DRC11: variants seen among roughly 807,000 people sequenced by gnomAD.
The protein encoded by DRC11 is IQ and AAA domain-containing protein 1.
At chr2:236,416,708 CATATATATATATTTATAT>C in the DRC11 span, among the ~76,000 whole-genome samples, 101 of 74,556 alleles carry the variant, frequency 1.4e-3, no homozygotes, top group African/African-American at 2.6e-3. Flanking sequence ...TATTTATTTA[CATATATATATATTTATAT>C]ATATATATAT....
chr2:236,341,660 C>T, the DRC11 span, among the ~76,000 whole-genome samples: 1 of 152,078 alleles, frequency 6.6e-6, no homozygotes, highest in Non-Finnish European at 1.5e-5. Context: ...CGCAGGGATG[C>T]GGTGTGGTTT....
chr2:236,439,841 G>A, the DRC11 span, among the ~76,000 whole-genome samples: 4 of 151,992 alleles, frequency 2.6e-5, no homozygotes, highest in Non-Finnish European at 4.4e-5. Context: ...AAAAGAAAAC[G>A]TTTTTAATTT....
At chr2:236,398,329 C>A in the DRC11 span, among the ~76,000 whole-genome samples, 2 of 152,164 alleles carry the variant, frequency 1.3e-5, no homozygotes, top group African/African-American at 4.8e-5. The surrounding 1 kb of genome is among the most constrained non-coding windows in gnomAD (Gnocchi z 6.2). Context: ...TTCAGTGGCA[C>A]ACAGACATTT....
chr2:236,464,966 T>C, the DRC11 span, among the ~76,000 whole-genome samples: 1 of 152,238 alleles, frequency 6.6e-6, no homozygotes, highest in Non-Finnish European at 1.5e-5. Context: ...ATGCTTCCTG[T>C]AAAGCTTGTA....
At chr2:236,493,868 A>G in the DRC11 span, 2 of 1,605,182 alleles carry the variant, frequency 1.2e-6, no homozygotes, top group African/African-American at 2.7e-5. Context: ...ATACTTGGGT[A>G]TGGGAATATC....
chr2:236,361,363 G>C, the DRC11 span, among the ~76,000 whole-genome samples: 257 of 152,210 alleles, frequency 1.7e-3, 2 homozygotes, highest in Non-Finnish European at 3.0e-3. This position sits in a 1 kb window ranked among gnomAD's most constrained non-coding sequence, Gnocchi z 5.7. Context: ...AACTTAACTT[G>C]ACAGAGACAA....
At chr2:236,458,133 C>G in the DRC11 span, among the ~76,000 whole-genome samples, 1 of 152,154 alleles carries the variant, frequency 6.6e-6, no homozygotes, top group South Asian at 2.1e-4. Context: ...GGAGCCCACA[C>G]TTGAGTTGTG....
the DRC11 span, among the ~76,000 whole-genome samples, chr2:236,404,677 C>G: frequency 1.3e-5 from 2 of 152,210 alleles, no homozygotes; most frequent in African/African-American, 4.8e-5. Context: ...CTGGAGTTAA[C>G]AAAGTCCTCC....
chr2:236,476,424 C>T, the DRC11 span, among the ~76,000 whole-genome samples: 1 of 152,070 alleles, frequency 6.6e-6, no homozygotes, highest in African/African-American at 2.4e-5. The surrounding 1 kb of genome is among the most constrained non-coding windows in gnomAD (Gnocchi z 4.7). Context: ...TGACCTGTAA[C>T]TTTACTGAAT....
chr2:236,375,476 C>A, the DRC11 span, among the ~76,000 whole-genome samples: 1 of 152,168 alleles, frequency 6.6e-6, no homozygotes, highest in African/African-American at 2.4e-5. This position sits in a 1 kb window ranked among gnomAD's most constrained non-coding sequence, Gnocchi z 4.2. Context: ...AATCAAGGTA[C>A]AGGAGAAAAT....
At chr2:236,378,222 T>C in the DRC11 span, among the ~76,000 whole-genome samples, 56 of 152,294 alleles carry the variant, frequency 3.7e-4, no homozygotes, top group Admixed American at 9.1e-4. Context: ...AAATATTTAA[T>C]TTAGTGGAAT....
chr2:236,369,345 C>G, the DRC11 span, among the ~76,000 whole-genome samples: 30 of 152,142 alleles, frequency 2.0e-4, no homozygotes, highest in Non-Finnish European at 3.5e-4. The surrounding 1 kb of genome is among the most constrained non-coding windows in gnomAD (Gnocchi z 4.5). Flanking sequence ...TCCACATGAA[C>G]AAAACGTCCT....
the DRC11 span, among the ~76,000 whole-genome samples, chr2:236,422,995 C>T: frequency 6.6e-6 from 1 of 151,716 alleles, no homozygotes; most frequent in Non-Finnish European, 1.5e-5. Flanking sequence ...ACTGGCTAGC[C>T]ATATGTAGAA....
chr2:236,391,888 T>C, the DRC11 span: 1 of 1,133,278 alleles, frequency 8.8e-7, no homozygotes, highest in Non-Finnish European at 1.3e-6. This position sits in a 1 kb window ranked among gnomAD's most constrained non-coding sequence, Gnocchi z 4.5. Flanking sequence ...CAGGCGGCCC[T>C]CCTGGACATG....
chr2:236,374,421 A>C, the DRC11 span, among the ~76,000 whole-genome samples: 2 of 152,208 alleles, frequency 1.3e-5, no homozygotes, highest in Admixed American at 6.5e-5. Context: ...ATTTTCACTT[A>C]GAGTCTGTAT....
chr2:236,320,830 C>T, the DRC11 span, among the ~76,000 whole-genome samples: 3 of 150,162 alleles, frequency 2.0e-5, no homozygotes, highest in African/African-American at 7.3e-5. Context: ...GTCCCTCCGC[C>T]GGTACCCCCC....
the DRC11 span, among the ~76,000 whole-genome samples, chr2:236,347,735 G>A: frequency 6.6e-6 from 1 of 151,596 alleles, no homozygotes; most frequent in African/African-American, 2.4e-5. Flanking sequence ...AGGGATGAAA[G>A]ACTACAAAAA....
At chr2:236,379,840 G>A in the DRC11 span, among the ~76,000 whole-genome samples, 2 of 138,338 alleles carry the variant, frequency 1.4e-5, no homozygotes, top group African/African-American at 5.5e-5. Context: ...GGGAGCGACA[G>A]GACCAAGGGA....
the DRC11 span, chr2:236,465,533 G>A: frequency 6.2e-7 from 1 of 1,613,956 alleles, no homozygotes. The surrounding 1 kb of genome is among the most constrained non-coding windows in gnomAD (Gnocchi z 6.2). Context: ...TGCCGGATCT[G>A]GTCTTGAAGG....
Sources: allele counts gnomAD v4.1 joint callset (sites outside exome capture counted in the v4.1 genomes callset), GRCh38; gene constraint gnomAD v4.1.1; non-coding constraint Gnocchi (gnomAD v3.1); transcripts MANE v1.5; gene names NCBI Gene and HGNC (gene_info 2026-07-23, HGNC 2026-07-21).